The following CCDC88C variants were observed in gnomAD, a reference collection of about 807,000 sequenced individuals.
CCDC88C encodes the protein protein Daple.
A neutral mutation model predicts 198.8 loss-of-function variants in CCDC88C; 131 were observed. The ratio of observed to expected loss-of-function variants is 0.66; its 90% CI spans 0.57 to 0.76. The LOEUF (loss-of-function observed/expected upper bound fraction) is 0.76, where lower values mean the gene tolerates loss of function less well. Ranked by LOEUF, CCDC88C falls within the 30% of genes least tolerant of loss-of-function variation. The pLI is 0.00. For missense variants in CCDC88C, 2,553 were observed against 2,631.6 expected, an observed-to-expected ratio of 0.97 and a Z score of 0.65; for synonymous variants, 1,166 against 1,114.7, an observed-to-expected ratio of 1.05 and a Z score of -0.92.
chr14:91,303,952 C>G lies in CCDC88C; in HGVS notation c.3384G>C (p.Gln1128His), dbSNP rs1203285445. 1 of 1,606,604 alleles carries G rather than the reference C, an allele frequency of 6.2e-7. No homozygotes were observed. The highest frequency in any genetic ancestry group is 8.5e-7 in the Non-Finnish European group (1 of 1,178,062). ...LQVENSTLSSQSAALTAQYTL... is the reference protein window; with the variant it reads ...LQVENSTLSSHSAALTAQYTL... The stretch of plus-strand genomic sequence containing the variant: ...TGTACTGCGCGGTGAGCGCTGCGCT[C>G]TGGGAACTCAGCGTGGAGTTCTCCA... The change falls in exon 20 of 30, where the codon CAG (glutamine) becomes CAC (histidine). Residue 1128 changes from glutamine to histidine, a missense_variant. Physicochemically the swap from Gln to His is conservative, Grantham distance 24 (BLOSUM62 0). This residue lies in a region of CCDC88C where 1,293 missense variants were observed against 1,219.6 expected (regional missense o/e 1.06). Transcript: ENST00000389857.
chr14:91,296,819 G>T (rs186937039), intron 22 of CCDC88C, among the ~76,000 whole-genome samples: 12 of 152,264 alleles, frequency 7.9e-5, no homozygotes, highest in African/African-American at 2.9e-4. Context: ...GGTCTGTTAA[G>T]ATCTCATCTG....
At chr14:91,287,274 C>T (rs1212312655) in intron 25 of CCDC88C, among the ~76,000 whole-genome samples, 1 of 152,076 alleles carries the variant, frequency 6.6e-6, no homozygotes. Context: ...TCCTTCTCAC[C>T]CTGTCTTACG....
At chr14:91,357,337 G>C (rs543919630) in intron 4 of CCDC88C, among the ~76,000 whole-genome samples, 3 of 152,178 alleles carry the variant, frequency 2.0e-5, no homozygotes, top group Non-Finnish European at 4.4e-5. Context: ...CTGCAGCCTC[G>C]ACCTCCTGGG....
chr14:91,394,367 G>T lies in CCDC88C; in HGVS notation c.270+14292C>A, dbSNP rs558099126. Among the ~76,000 whole-genome samples, 6 of 152,292 alleles carry T rather than the reference G, an allele frequency of 3.9e-5. No homozygotes were observed. The South Asian group carries it at 1.0e-3, about 26-fold the overall frequency. ...CCTGTTTACCCTCTAAACAGTCAGG[G>T]TCTGGGTCCCTGCCATGTGTCAGGG... On this transcript the variant is annotated intron_variant, in intron 3 of 29. Transcript: ENST00000389857.
intron 3 of CCDC88C, among the ~76,000 whole-genome samples, chr14:91,370,480 G>A (rs1006502857): frequency 1.3e-5 from 2 of 152,194 alleles, no homozygotes; most frequent in Non-Finnish European, 2.9e-5. Flanking sequence ...ATTGCTCTGT[G>A]GGCAGACCTG....
chr14:91,309,101 T>G (rs1181807930), intron 16 of CCDC88C, among the ~76,000 whole-genome samples: 2 of 152,108 alleles, frequency 1.3e-5, no homozygotes, highest in East Asian at 3.9e-4. Context: ...TGGTGATGCA[T>G]GTCTGTAATC....
chr14:91,312,917 G>A (rs1401183118), intron 15 of CCDC88C, among the ~76,000 whole-genome samples, 163 bp downstream of exon 15: 2 of 152,206 alleles, frequency 1.3e-5, no homozygotes, highest in Non-Finnish European at 2.9e-5. Context: ...ATTGTAATAC[G>A]TGGTATTCAC....
At chr14:91,329,875 G>A (rs1892743273) in intron 10 of CCDC88C, among the ~76,000 whole-genome samples, 2 of 152,218 alleles carry the variant, frequency 1.3e-5, no homozygotes, top group South Asian at 2.1e-4. Context: ...CCTCATTTGG[G>A]CCAGACCCTG....
intron 3 of CCDC88C, chr14:91,408,439 A>T: frequency 3.8e-6 from 2 of 526,484 alleles, no homozygotes; most frequent in South Asian, 4.0e-5. Flanking sequence ...GCACGATGCT[A>T]CACACAGCTC....
chr14:91,372,943 G>A, intron 3 of CCDC88C, among the ~76,000 whole-genome samples: 1 of 152,134 alleles, frequency 6.6e-6, no homozygotes, highest in East Asian at 1.9e-4. Context: ...GGTTTTGCTG[G>A]GCACTGTGCT....
chr14:91,365,648 GTACC>G (rs2139916111), intron 3 of CCDC88C, among the ~76,000 whole-genome samples: 1 of 152,284 alleles, frequency 6.6e-6, no homozygotes, highest in East Asian at 1.9e-4. Context: ...CTCAGCTCAA[GTACC>G]TTAAATGACA....
intron 10 of CCDC88C, among the ~76,000 whole-genome samples, chr14:91,330,740 T>C (rs1892789372): frequency 6.6e-6 from 1 of 152,006 alleles, no homozygotes; most frequent in Non-Finnish European, 1.5e-5. Flanking sequence ...GGAAAGACAA[T>C]GACTCTGAAC....
intron 3 of CCDC88C, among the ~76,000 whole-genome samples, chr14:91,376,974 G>A (rs961959372): frequency 1.4e-4 from 21 of 152,196 alleles, no homozygotes; most frequent in African/African-American, 4.3e-4. Flanking sequence ...ACACCCACCC[G>A]AGCAAAGCTG....
rs1894776424 is a variant in CCDC88C, at chr14:91,371,126, T to C, written c.271-11415A>G. Among the ~76,000 whole-genome samples, 1 of 152,112 alleles carries C rather than the reference T, an allele frequency of 6.6e-6. No homozygotes were observed. The highest frequency in any genetic ancestry group is 1.5e-5 in the Non-Finnish European group (1 of 68,020). Reference sequence around the variant, plus strand: ...GGCTGCCCTTTCCTCTGTCCCTAAGTCCACCCCTCCTGGCTAAAACGACAG... The same window carrying C: ...GGCTGCCCTTTCCTCTGTCCCTAAGCCCACCCCTCCTGGCTAAAACGACAG... On this transcript the variant is annotated intron_variant, in intron 3 of 29. Coordinates refer to ENST00000389857, the MANE Select transcript of CCDC88C (RefSeq NM_001080414.4). The surrounding 1 kb of genome is among the most constrained non-coding windows in gnomAD (Gnocchi z 4.2).
intron 29 of CCDC88C, among the ~76,000 whole-genome samples, chr14:91,275,035 C>T (rs139659352): frequency 2.1e-4 from 32 of 152,212 alleles, no homozygotes; most frequent in South Asian, 1.5e-3. Context: ...AGTGGGGGCG[C>T]GGTGGGCATA....
intron 10 of CCDC88C, among the ~76,000 whole-genome samples, chr14:91,328,134 C>T (rs991619137): frequency 1.3e-5 from 2 of 152,204 alleles, no homozygotes; most frequent in African/African-American, 2.4e-5. Context: ...TCAAAGGCGG[C>T]ATGTGAGGTG....
chr14:91,323,791 G>A (rs1892456233), intron 12 of CCDC88C, among the ~76,000 whole-genome samples: 3 of 152,348 alleles, frequency 2.0e-5, no homozygotes, highest in South Asian at 4.1e-4. Flanking sequence ...TGGACTTCCA[G>A]AGGCAAGGGA....
At chr14:91,305,020 T>C (rs1891499716) in intron 19 of CCDC88C, among the ~76,000 whole-genome samples, 1 of 152,096 alleles carries the variant, frequency 6.6e-6, no homozygotes, top group Non-Finnish European at 1.5e-5. Flanking sequence ...GGTGGGTGGA[T>C]CATTTGAGGT....
chr14:91,416,720 GAGA>G lies in CCDC88C; in HGVS notation c.161+15_161+17del, dbSNP rs747946382. ...TAACGCACCATTCTTTCCTTCCTCC[GAGA>G]AGAAGGTAACTTACATTTGCAGCAT... On this transcript the variant is annotated intron_variant, in intron 2 of 29. Transcript: ENST00000389857. 10 of 1,515,896 alleles carry G rather than the reference GAGA, an allele frequency of 6.6e-6. No individual in the cohort carries two copies. The highest frequency in any genetic ancestry group is 3.4e-4 in the Middle Eastern group (2 of 5,902). The allele number at this position is 1,515,896 out of a possible 1,614,324, so 93.9% of individuals were successfully genotyped here.
Sources: gnomAD v4.1 joint callset for allele counts (sites outside exome capture counted in the v4.1 genomes callset) on GRCh38, gnomAD v4.1.1 for gene constraint, gnomAD v4.1.1 regional missense constraint, Gnocchi (gnomAD v3.1) non-coding constraint, MANE v1.5 for transcripts, NCBI Gene and HGNC (gene_info 2026-07-23, HGNC 2026-07-21) for gene names.